Variants in PLCE1 observed in about 807,000 individuals in gnomAD.
PLCE1 encodes the protein 1-phosphatidylinositol 4,5-bisphosphate phosphodiesterase epsilon-1.
PLCE1 carries 119 observed loss-of-function variants against 242.8 expected under a neutral mutation model. The observed-to-expected ratio is 0.49, with a 90% CI of 0.42 to 0.57. The LOEUF (loss-of-function observed/expected upper bound fraction) is 0.57, where lower values mean the gene tolerates loss of function less well. Among genes scored for constraint, PLCE1 ranks in the 20% least tolerant of loss-of-function variants. The pLI is 0.00. For missense variants in PLCE1, 2,441 were observed against 2,788.8 expected (o/e 0.88, Z 2.81); for synonymous variants, 945 against 1,017.4 (o/e 0.93, Z 1.35).
intron 8 of PLCE1, among the ~76,000 whole-genome samples, chr10:94,251,282 G>A (rs1564829294): frequency 6.6e-6 from 1 of 152,194 alleles, no homozygotes; most frequent in Non-Finnish European, 1.5e-5. Context: ...ACAGCAGGAT[G>A]CAGGAAGTGG....
rs776836078 is a variant in PLCE1, at chr10:94,259,158, G to C, written c.3814+8G>C. On this transcript the variant is annotated splice_region_variant and intron_variant, in intron 13 of 32. Transcript: ENST00000371380. ...ATCTTCAGCCTGACCTAGGTTTGTT[G>C]AACATTTTAGGATTTCCCTTTGGGA... 3 of 1,613,922 alleles carry C rather than the reference G, an allele frequency of 1.9e-6. No homozygotes were observed. The highest frequency in any genetic ancestry group is 2.5e-6 in the Non-Finnish European group (3 of 1,179,866).
At chr10:94,320,341 G>A (rs942598172) in intron 29 of PLCE1, among the ~76,000 whole-genome samples, 14 of 151,426 alleles carry the variant, frequency 9.2e-5, no homozygotes, top group South Asian at 2.1e-4. Context: ...AGTTAAAATA[G>A]ATTATATATC....
chr10:94,114,254 C>G (rs1271513792), intron 2 of PLCE1, among the ~76,000 whole-genome samples: 1 of 152,182 alleles, frequency 6.6e-6, no homozygotes, highest in African/African-American at 2.4e-5. Context: ...CCCCTGACCT[C>G]CTCACTTCCC....
chr10:94,224,204 G>C (rs1387708352), intron 4 of PLCE1, among the ~76,000 whole-genome samples: 1 of 152,130 alleles, frequency 6.6e-6, no homozygotes, highest in African/African-American at 2.4e-5. Context: ...CTCGGCAATG[G>C]AACAGTTGGT....
chr10:94,062,110 C>A (rs968502468), intron 2 of PLCE1, among the ~76,000 whole-genome samples: 2 of 152,192 alleles, frequency 1.3e-5, no homozygotes, highest in Non-Finnish European at 2.9e-5. Context: ...ATAGTAAGCA[C>A]TAGATATGAG....
chr10:94,299,695 C>T (rs2052968192), intron 24 of PLCE1, among the ~76,000 whole-genome samples: 1 of 152,248 alleles, frequency 6.6e-6, no homozygotes, highest in African/African-American at 2.4e-5. Context: ...GGTCAAACCA[C>T]AGCTTTAGCT....
At chr10:94,071,495 G>GTTTTTTTTTTTTTTTTTTTTTTTTT (rs559496577) in intron 2 of PLCE1, among the ~76,000 whole-genome samples, 2 of 83,306 alleles carry the variant, frequency 2.4e-5, no homozygotes, top group Non-Finnish European at 4.2e-5. Context: ...TTTGGTTTTC[G>GTTTTTTTTTTTTTTTTTTTTTTTTT]TTTTTTTTTT....
chr10:94,017,066 C>G (rs988661527), intron 1 of PLCE1, among the ~76,000 whole-genome samples: 1 of 152,176 alleles, frequency 6.6e-6, no homozygotes, highest in Non-Finnish European at 1.5e-5. Context: ...CTCCATCCCC[C>G]ACACCTGCAT....
intron 1 of PLCE1, among the ~76,000 whole-genome samples, 92 bp downstream of exon 1, chr10:93,994,350 G>T (rs1045945947): frequency 6.6e-6 from 1 of 152,220 alleles, no homozygotes; most frequent in African/African-American, 2.4e-5. Flanking sequence ...CCGCCTAAGG[G>T]AGCAGCCCGA....
intron 1 of PLCE1, among the ~76,000 whole-genome samples, chr10:94,025,247 T>A (rs1019512509): frequency 1.1e-4 from 17 of 152,130 alleles, no homozygotes; most frequent in Non-Finnish European, 2.5e-4. Context: ...TATATCTCTT[T>A]GGCTGTAACT....
intron 3 of PLCE1, among the ~76,000 whole-genome samples, chr10:94,159,861 G>A (rs1159540626): frequency 2.0e-5 from 3 of 151,920 alleles, no homozygotes; most frequent in Admixed American, 6.6e-5. Flanking sequence ...GAGTGAGAAC[G>A]TGCGGTGTTT....
intron 3 of PLCE1, among the ~76,000 whole-genome samples, chr10:94,134,709 G>A (rs1330874489): frequency 2.6e-5 from 4 of 152,188 alleles, no homozygotes; most frequent in African/African-American, 9.7e-5. Flanking sequence ...AAATAAGGAA[G>A]CTGCTGGTGT....
chr10:94,026,604 A>C (rs1294500790), intron 1 of PLCE1, among the ~76,000 whole-genome samples: 2 of 152,226 alleles, frequency 1.3e-5, no homozygotes, highest in Admixed American at 1.3e-4. Context: ...AGAGCTGACC[A>C]AGAGTGAGTA....
chr10:94,104,995 C>G lies in PLCE1; in HGVS notation c.1207-27179C>G, dbSNP rs570652196. ...ATATATTATCCTGCACATCTGAATC[C>G]TATGTTTTATTTATTCGTTTCTCTT... On this transcript the variant is annotated intron_variant, in intron 2 of 32. Transcript: ENST00000371380. The G allele has an allele frequency of 2.0e-5, 3 of 152,236 alleles. No homozygotes were observed. In the South Asian group the frequency reaches 6.2e-4, roughly 32 times the overall value. The allele number at this position is 152,236 out of a possible 1,614,324, so 9.4% of individuals were successfully genotyped here.
chr10:94,052,752 A>C (rs1432661199), intron 2 of PLCE1, among the ~76,000 whole-genome samples: 1 of 152,154 alleles, frequency 6.6e-6, no homozygotes, highest in Non-Finnish European at 1.5e-5. Context: ...GGTAGTGAGC[A>C]TCATATCTCA....
chr10:94,230,435 C>T (rs945841334), intron 5 of PLCE1, among the ~76,000 whole-genome samples: 8 of 151,946 alleles, frequency 5.3e-5, no homozygotes, highest in South Asian at 4.2e-4. Flanking sequence ...AGCAATTCTC[C>T]GGCCTCACCC....
intron 2 of PLCE1, among the ~76,000 whole-genome samples, chr10:94,096,606 G>A (rs553592263): frequency 2.0e-5 from 3 of 152,050 alleles, no homozygotes; most frequent in Non-Finnish European, 4.4e-5. Flanking sequence ...CAAGACATGT[G>A]GGGATTATAG....
intron 2 of PLCE1, among the ~76,000 whole-genome samples, chr10:94,071,495 G>GTTTTTTTTTTTTTTTTTTTTTTTTTTTTT (rs559496577): frequency 1.2e-5 from 1 of 83,316 alleles, no homozygotes; most frequent in African/African-American, 5.4e-5. Flanking sequence ...TTTGGTTTTC[G>GTTTTTTTTTTTTTTTTTTTTTTTTTTTTT]TTTTTTTTTT....
chr10:94,121,823 C>T (rs2046310705), intron 2 of PLCE1, among the ~76,000 whole-genome samples: 1 of 152,100 alleles, frequency 6.6e-6, no homozygotes, highest in Non-Finnish European at 1.5e-5. Context: ...GCCTCAGCCT[C>T]AGGCCATCTT....
Sources: gnomAD v4.1 joint callset for allele counts (sites outside exome capture counted in the v4.1 genomes callset) on GRCh38, gnomAD v4.1.1 for gene constraint, MANE v1.5 for transcripts, NCBI Gene and HGNC (gene_info 2026-07-23, HGNC 2026-07-21) for gene names.